THBS2: variants seen among roughly 807,000 people sequenced by gnomAD.
THBS2 encodes thrombospondin 2.
Under a neutral mutation model 135.2 loss-of-function variants are expected in THBS2, and 47 were observed. The ratio of observed to expected loss-of-function variants is 0.35; its 90% confidence interval spans 0.28 to 0.44. The LOEUF (loss-of-function observed/expected upper bound fraction) is 0.44, where lower values mean the gene tolerates loss of function less well. THBS2 is among the 20% of genes least tolerant of loss of function. The probability of loss-of-function intolerance (pLI) is 1.00; values close to 1 mark genes in which losing one functional copy is unlikely to be tolerated. For missense variants in THBS2, 1,288 were observed against 1,603.1 expected (o/e 0.80, Z 3.36); for synonymous variants, 639 against 633.8 (o/e 1.01, Z -0.12).
At chr6:169,219,208 A>G (rs1779321458) in intron 21 of THBS2, among the ~76,000 whole-genome samples, 1 of 130,504 alleles carries the variant, frequency 7.7e-6, no homozygotes, top group Non-Finnish European at 1.6e-5. Flanking sequence ...GGATGGATGG[A>G]TGAAATGGAT....
chr6:169,249,755 G>A (rs752667586), intron 2 of THBS2, among the ~76,000 whole-genome samples: 1 of 152,190 alleles, frequency 6.6e-6, no homozygotes, highest in Non-Finnish European at 1.5e-5. Context: ...TCAAAGCCAG[G>A]CGCGGTGGCT....
At chr6:169,245,532 C>T (rs1160646110) in intron 4 of THBS2, among the ~76,000 whole-genome samples, 1 of 152,124 alleles carries the variant, frequency 6.6e-6, no homozygotes, top group Non-Finnish European at 1.5e-5. Flanking sequence ...GTGGCTCACA[C>T]CTGTAATCCC....
chr6:169,232,642 A>T, intron 12 of THBS2, 22 bp downstream of exon 12: 1 of 1,579,412 alleles, frequency 6.3e-7, no homozygotes, highest in Non-Finnish European at 8.6e-7. Context: ...CGCAACACAC[A>T]AGGAAGGCCG....
chr6:169,245,838 A>G (rs544975345), intron 4 of THBS2, among the ~76,000 whole-genome samples: 4 of 152,092 alleles, frequency 2.6e-5, no homozygotes, highest in Admixed American at 6.6e-5. Context: ...AGTTCGACAA[A>G]TATCTATGAC....
At chr6:169,236,581 TCACTCCCCATCCACACTCATTCCCATCCA>T (rs1317996330) in intron 9 of THBS2, among the ~76,000 whole-genome samples, 2,942 of 114,490 alleles carry the variant, frequency 0.026, 71 homozygotes, top group Non-Finnish European at 0.039. Context: ...CCATCCACAC[TCACTCCCCATCCACACTCATTCCCATCCA>T]CACTCGCCAT....
intron 9 of THBS2, among the ~76,000 whole-genome samples, chr6:169,236,631 TC>T (rs1332945324): frequency 2.3e-5 from 2 of 87,608 alleles, no homozygotes; most frequent in African/African-American, 9.0e-5. Flanking sequence ...CCACACTCAC[TC>T]CCATCCACAC....
Position 169,217,630 on chromosome 6 carries a change from G to A in THBS2, c.*192C>T. On this transcript the variant is annotated 3_prime_UTR_variant, in exon 22 of 22. Transcript: ENST00000617924. ...TCTAGTGGGTTAGATGTTCATCTCT[G>A]AGTTCCATTGATATTTATCCTCTGA... The A allele has an allele frequency of 1.8e-6, 1 of 548,280 alleles. No individual in the cohort carries two copies. Among genetic ancestry groups the A allele is most frequent in the Non-Finnish European group, 3.2e-6 (1 of 311,716 alleles). 34.0% of individuals were successfully genotyped at this position (548,280 alleles called of 1,614,324 possible).
chr6:169,236,806 A>ACTCACTCCCCG, intron 9 of THBS2, among the ~76,000 whole-genome samples: 1 of 117,134 alleles, frequency 8.5e-6, no homozygotes, highest in African/African-American at 3.4e-5. Flanking sequence ...ACTCACTCCC[A>ACTCACTCCCCG]TCCACACTCA....
chr6:169,240,083 T>G (rs1380740346), intron 6 of THBS2, among the ~76,000 whole-genome samples: 1 of 152,232 alleles, frequency 6.6e-6, no homozygotes, highest in African/African-American at 2.4e-5. Context: ...CTGTAAGACT[T>G]CAGGCAGTGG....
At chr6:169,247,374 T>C (rs531573220) in intron 3 of THBS2, among the ~76,000 whole-genome samples, 1 of 151,982 alleles carries the variant, frequency 6.6e-6, no homozygotes, top group African/African-American at 2.4e-5. Context: ...TGTATACACA[T>C]GTGTGATGGA....
chr6:169,222,321 C>T lies in THBS2; in HGVS notation c.3149G>A (p.Trp1050Ter). The T allele has an allele frequency of 1.2e-6, 2 of 1,613,600 alleles. No homozygotes were observed. The highest frequency in any genetic ancestry group is 1.6e-4 in the Middle Eastern group (1 of 6,062). Reference sequence around the variant, plus strand: ...ATAGGCCCGCGTGGGCTGGTCCTCCCAGTAGGTCTGCGTCACCTGCTTCCA... The same window carrying T: ...ATAGGCCCGCGTGGGCTGGTCCTCCTAGTAGGTCTGCGTCACCTGCTTCCA... ...VMWKQVTQTYWEDQPTRAYGY... is the reference protein window; with the variant it reads ...VMWKQVTQTY Residue 1050 changes from tryptophan (W) to a stop codon, truncating the protein, a stop_gained, in exon 19 of 22, where the codon TGG becomes TAG. Coordinates refer to ENST00000617924, the MANE Select transcript of THBS2 (RefSeq NM_003247.5). LOFTEE classifies it high-confidence loss of function.
At chr6:169,222,575 A>C in intron 18 of THBS2, 107 bp from the exon 19 acceptor site, 1 of 1,247,612 alleles carries the variant, frequency 8.0e-7, no homozygotes, top group Non-Finnish European at 1.1e-6. Flanking sequence ...TGGGCAGATC[A>C]CCTGAGGTCA....
chr6:169,234,565 A>G (rs184494077), intron 10 of THBS2, 169 bp downstream of exon 10: 482 of 735,352 alleles, frequency 6.6e-4, no homozygotes, highest in Middle Eastern at 1.5e-3. Context: ...TTTTTACATT[A>G]GAAATACAGG....
At chr6:169,231,039 C>T (rs1283225420) in intron 13 of THBS2, among the ~76,000 whole-genome samples, 2 of 152,246 alleles carry the variant, frequency 1.3e-5, no homozygotes, top group Non-Finnish European at 2.9e-5. Context: ...TTGGGGCACC[C>T]TGTGCGGTGG....
At chr6:169,249,826 G>A (rs553552157) in intron 2 of THBS2, among the ~76,000 whole-genome samples, 240 of 152,174 alleles carry the variant, frequency 1.6e-3, no homozygotes, top group South Asian at 3.5e-3. Flanking sequence ...GTCAGGAGAC[G>A]GAGACCATCA....
At chr6:169,239,390 C>T (rs1001376112) in intron 7 of THBS2, 28 of 579,566 alleles carry the variant, frequency 4.8e-5, no homozygotes, top group Non-Finnish European at 6.4e-5. Context: ...TTCCCACCCC[C>T]GCGTTCCCAG....
intron 4 of THBS2, among the ~76,000 whole-genome samples, chr6:169,243,662 G>A (rs953849271): frequency 1.3e-5 from 2 of 152,198 alleles, no homozygotes; most frequent in African/African-American, 4.8e-5. Flanking sequence ...CACCCTGAGT[G>A]GATTTTACCC....
At chr6:169,224,007 A>T (rs140733034) in intron 17 of THBS2, among the ~76,000 whole-genome samples, 1 of 151,966 alleles carries the variant, frequency 6.6e-6, no homozygotes, top group Non-Finnish European at 1.5e-5. Flanking sequence ...GGGAGTGGGG[A>T]TGAGGTGGGC....
chr6:169,238,854 G>A (rs1445010381), intron 7 of THBS2, among the ~76,000 whole-genome samples: 1 of 152,178 alleles, frequency 6.6e-6, no homozygotes, highest in Non-Finnish European at 1.5e-5. Context: ...TTTAGTTTGG[G>A]AGAAGCGTTG....
Sources: gnomAD v4.1 joint callset for allele counts (sites outside exome capture counted in the v4.1 genomes callset) on GRCh38, gnomAD v4.1.1 for gene constraint, MANE v1.5 for transcripts, NCBI Gene and HGNC (gene_info 2026-07-23, HGNC 2026-07-21) for gene names.